Variants in TRPC4 observed in about 807,000 individuals in gnomAD.
The protein encoded by TRPC4 is transient receptor potential cation channel subfamily C member 4.
In TRPC4, 49 loss-of-function variants were observed where a neutral mutation model predicts 99.4. That is an observed-to-expected ratio of 0.49 (90% CI 0.39 to 0.63). TRPC4 has a LOEUF of 0.63. TRPC4 is among the 20% of genes least tolerant of loss of function. TRPC4 has a pLI of 0.00. For synonymous variants in TRPC4, 454 were observed against 425.9 expected (o/e 1.07, Z -0.81); for missense variants, 898 against 1,152.9 (o/e 0.78, Z 3.20).
chr13:37,762,741 T>G (rs1956258550), intron 2 of TRPC4, among the ~76,000 whole-genome samples: 1 of 133,256 alleles, frequency 7.5e-6, no homozygotes, highest in Non-Finnish European at 1.6e-5. Context: ...GGGGGAGGGA[T>G]AGCATTAGGA....
At chr13:37,724,520 A>T (rs917435287) in intron 3 of TRPC4, among the ~76,000 whole-genome samples, 1 of 152,180 alleles carries the variant, frequency 6.6e-6, no homozygotes, top group East Asian at 1.9e-4. Flanking sequence ...ATTATGATGA[A>T]TTGTTATTAT....
intron 5 of TRPC4, among the ~76,000 whole-genome samples, chr13:37,671,570 CA>C (rs1182048413): frequency 8.4e-6 from 1 of 118,346 alleles, no homozygotes; most frequent in Non-Finnish European, 1.8e-5. Context: ...AAAGCAAAGA[CA>C]AAAGTAAAAA....
intron 6 of TRPC4, among the ~76,000 whole-genome samples, chr13:37,661,244 C>T (rs1428881175): frequency 1.3e-5 from 2 of 152,144 alleles, no homozygotes; most frequent in Admixed American, 1.3e-4. Context: ...TTATATTAAG[C>T]ATTTTACATC....
chr13:37,840,095 A>G (rs1958691943), intron 1 of TRPC4, among the ~76,000 whole-genome samples: 1 of 152,128 alleles, frequency 6.6e-6, no homozygotes, highest in Admixed American at 6.6e-5. Context: ...TGGTTATGTC[A>G]GTGGAAACTC....
At chr13:37,758,041 G>T (rs1456075113) in intron 2 of TRPC4, among the ~76,000 whole-genome samples, 2 of 151,798 alleles carry the variant, frequency 1.3e-5, no homozygotes, top group African/African-American at 4.8e-5. Flanking sequence ...GGGGTAATTG[G>T]CGTATTCACG....
intron 3 of TRPC4, among the ~76,000 whole-genome samples, chr13:37,705,033 T>C (rs1278439166): frequency 3.9e-5 from 6 of 152,042 alleles, no homozygotes; most frequent in Non-Finnish European, 5.9e-5. Flanking sequence ...ATAATCAAGA[T>C]ATGGAATCAA....
chr13:37,654,388 G>GTA (rs1214158556), intron 7 of TRPC4, among the ~76,000 whole-genome samples: 1 of 152,034 alleles, frequency 6.6e-6, no homozygotes, highest in Non-Finnish European at 1.5e-5. Flanking sequence ...GGTCCTAGAC[G>GTA]TATATCACTA....
chr13:37,787,072 C>T (rs1956989908), intron 1 of TRPC4, among the ~76,000 whole-genome samples: 1 of 151,760 alleles, frequency 6.6e-6, no homozygotes, highest in Non-Finnish European at 1.5e-5. Context: ...GGCATATTGC[C>T]TAAAGGATAA....
chr13:37,745,335 T>C (rs1358395837), intron 3 of TRPC4, among the ~76,000 whole-genome samples: 1 of 150,444 alleles, frequency 6.6e-6, no homozygotes, highest in Non-Finnish European at 1.5e-5. Flanking sequence ...ATCTGAATGT[T>C]CCACATCCTA....
At chr13:37,677,296 C>T (rs7325911) in intron 4 of TRPC4, among the ~76,000 whole-genome samples, 93,182 of 151,728 alleles carry the variant, frequency 0.61, 29,547 homozygotes, top group East Asian at 0.8. Context: ...AAAAACGCAA[C>T]GAAGAACAGA....
chr13:37,682,415 A>T (rs1381915821), intron 4 of TRPC4, among the ~76,000 whole-genome samples: 1 of 152,190 alleles, frequency 6.6e-6, no homozygotes, highest in East Asian at 1.9e-4. Context: ...CTGTTCAAAG[A>T]TAAATTTAAA....
At chr13:37,787,841 G>A (rs1593743743) in intron 1 of TRPC4, among the ~76,000 whole-genome samples, 1 of 151,974 alleles carries the variant, frequency 6.6e-6, no homozygotes, top group South Asian at 2.1e-4. Flanking sequence ...CAAAATTCAA[G>A]CCCCTTAGAT....
intron 1 of TRPC4, among the ~76,000 whole-genome samples, chr13:37,829,976 G>C (rs1958367254): frequency 6.6e-6 from 1 of 152,152 alleles, no homozygotes. Context: ...GATTGCCAGG[G>C]GTTGGATGGG....
intron 5 of TRPC4, among the ~76,000 whole-genome samples, chr13:37,666,038 T>G (rs1409067306): frequency 6.6e-6 from 1 of 152,134 alleles, no homozygotes; most frequent in Non-Finnish European, 1.5e-5. Flanking sequence ...GGTTAAAGGA[T>G]GTTTGAATGG....
chr13:37,836,171 G>A (rs1958559242), intron 1 of TRPC4, among the ~76,000 whole-genome samples: 1 of 152,150 alleles, frequency 6.6e-6, no homozygotes, highest in Non-Finnish European at 1.5e-5. Flanking sequence ...GGCTTCCCCA[G>A]CCATGTGGAA....
chr13:37,823,805 G>A (rs1490858858), intron 1 of TRPC4, among the ~76,000 whole-genome samples: 1 of 149,528 alleles, frequency 6.7e-6, no homozygotes, highest in Non-Finnish European at 1.5e-5. Flanking sequence ...CCAATTCTGT[G>A]AAGAAAGTCA....
At chr13:37,823,308 G>A (rs1445087731) in intron 1 of TRPC4, among the ~76,000 whole-genome samples, 2 of 151,564 alleles carry the variant, frequency 1.3e-5, no homozygotes, top group East Asian at 1.9e-4. Context: ...GGCTTTTGTT[G>A]CCATTGCTTT....
intron 1 of TRPC4, among the ~76,000 whole-genome samples, chr13:37,808,445 A>G (rs1245560966): frequency 6.6e-6 from 1 of 152,066 alleles, no homozygotes; most frequent in Non-Finnish European, 1.5e-5. Flanking sequence ...AAAGTTTGGG[A>G]AATACATTTT....
In TRPC4 at chr13:37,655,278, A is replaced by T; in HGVS notation, c.1694T>A (p.Phe565Tyr). ...CCAAAACAGGGACTGCAGTGTCTCAAATAACCTGTAATAAAGATAAAATGA... is the reference window on the plus strand; with the variant it reads ...CCAAAACAGGGACTGCAGTGTCTCATATAACCTGTAATAAAGATAAAATGA... ...EKQNNAFSTL[F>Y]ETLQSLFWSI... Residue 565 changes from phenylalanine to tyrosine, a missense_variant, in exon 7 of 11, where the codon TTT becomes TAT. Coordinates refer to ENST00000379705, the MANE Select transcript of TRPC4 (RefSeq NM_016179.4). 9 of 1,535,252 alleles carry T rather than the reference A, an allele frequency of 5.9e-6. No individual in the cohort carries two copies. Among genetic ancestry groups the T allele is most frequent in the Non-Finnish European group, 7.9e-6 (9 of 1,137,256 alleles).
Sources: allele counts gnomAD v4.1 joint callset (sites outside exome capture counted in the v4.1 genomes callset), GRCh38; gene constraint gnomAD v4.1.1; transcripts MANE v1.5; gene names NCBI Gene and HGNC (gene_info 2026-07-23, HGNC 2026-07-21).